GSE1: variants seen among roughly 807,000 people sequenced by gnomAD.
The protein encoded by GSE1 is Gse1 coiled-coil protein, also known as genetic suppressor element 1.
In GSE1, 32 loss-of-function variants were observed where a neutral mutation model predicts 112.6. That is an observed-to-expected ratio of 0.28 (90% confidence interval 0.21 to 0.38). The LOEUF (loss-of-function observed/expected upper bound fraction) is 0.38, where lower values mean the gene tolerates loss of function less well. Among genes scored for constraint, GSE1 ranks in the 10% least tolerant of loss-of-function variants. GSE1 has a pLI of 1.00. For missense variants in GSE1, 2,348 were observed against 1,699.2 expected (o/e 1.38, Z -6.71); for synonymous variants, 1,115 against 735.6 (o/e 1.52, Z -8.35).
chr16:85,202,194 G>A (rs2075040829), intron 1 of GSE1, among the ~76,000 whole-genome samples: 1 of 152,208 alleles, frequency 6.6e-6, no homozygotes, highest in Non-Finnish European at 1.5e-5. Flanking sequence ...GGGCAGTGAG[G>A]GCTGGGGCTG....
chr16:85,622,859 G>T (rs1215479627), intron 1 of GSE1, among the ~76,000 whole-genome samples: 2 of 152,186 alleles, frequency 1.3e-5, no homozygotes, highest in East Asian at 3.9e-4. Flanking sequence ...TGGAGTGTCT[G>T]TGCTGAGGGT....
At chr16:85,264,038 G>T (rs1193870633) in intron 1 of GSE1, among the ~76,000 whole-genome samples, 1 of 152,146 alleles carries the variant, frequency 6.6e-6, no homozygotes, top group African/African-American at 2.4e-5. Flanking sequence ...CCCAGTGAGG[G>T]CTCCACAGAC....
intron 2 of GSE1, among the ~76,000 whole-genome samples, chr16:85,397,392 C>T (rs576841782): frequency 1.4e-4 from 21 of 152,358 alleles, no homozygotes; most frequent in African/African-American, 4.8e-4. Context: ...CTCCTGCGGG[C>T]GGTGTGTCCC....
At position 85,246,510 on chromosome 16, in the gene GSE1, C is replaced by T. The variant is rs1025360759; in HGVS notation, c.2283+74703C>T. Among the ~76,000 whole-genome samples the T allele has an allele frequency of 1.4e-4, 15 of 105,870 alleles. 2 individuals carry two copies. The highest frequency in any genetic ancestry group is 6.2e-4 in the East Asian group (2 of 3,236). The allele number at this position is 105,870 out of a possible 152,430, so 69.5% of individuals were successfully genotyped here. A position where few individuals can be genotyped will look rare whatever the true frequency, so the allele number is the denominator to read the frequency against. On this transcript the variant is annotated intron_variant, in intron 1 of 2. Transcript: ENST00000637419. ...ACACACACTCTACACACCCCCCCCC[C>T]CCCGACGCTGTCTGCAGGAGATGTG... is the stretch of plus-strand genomic sequence containing the variant.
chr16:85,418,453 C>G (rs1197098329), intron 2 of GSE1, among the ~76,000 whole-genome samples: 1 of 152,196 alleles, frequency 6.6e-6, no homozygotes, highest in Admixed American at 6.5e-5. Context: ...CTCCTGGCTG[C>G]CCATCCAGAT....
intron 1 of GSE1, among the ~76,000 whole-genome samples, chr16:85,588,647 A>T (rs2046820888): frequency 6.6e-6 from 1 of 152,250 alleles, no homozygotes; most frequent in East Asian, 1.9e-4. Flanking sequence ...AAGAAGTATT[A>T]TCAGGAATAT....
At chr16:85,356,327 G>T (rs752733600) in intron 1 of GSE1, among the ~76,000 whole-genome samples, 13 of 152,248 alleles carry the variant, frequency 8.5e-5, no homozygotes, top group Non-Finnish European at 1.6e-4. Flanking sequence ...TGAGGCCCGG[G>T]GCTGCACCCT....
chr16:85,226,940 TAA>T (rs2075499046), intron 1 of GSE1, among the ~76,000 whole-genome samples: 1 of 152,022 alleles, frequency 6.6e-6, no homozygotes. Flanking sequence ...CTTGCAGGAA[TAA>T]GTCAGTCAGG....
intron 2 of GSE1, among the ~76,000 whole-genome samples, chr16:85,483,282 C>T (rs375272218): frequency 2.0e-5 from 3 of 152,254 alleles, no homozygotes; most frequent in African/African-American, 7.2e-5. Context: ...GCTGTCGTTC[C>T]CGCTGTTCCC....
At chr16:85,478,792 G>T (rs1164067578) in intron 2 of GSE1, among the ~76,000 whole-genome samples, 2 of 145,362 alleles carry the variant, frequency 1.4e-5, no homozygotes, top group Non-Finnish European at 3.0e-5. Flanking sequence ...CTCAGCCTCC[G>T]AAGTAGTTGG....
At chr16:85,261,343 G>A (rs1395843794) in intron 1 of GSE1, among the ~76,000 whole-genome samples, 1 of 152,252 alleles carries the variant, frequency 6.6e-6, no homozygotes, top group East Asian at 1.9e-4. Flanking sequence ...CGGTGCCTCA[G>A]TGTTCCATCT....
chr16:85,570,552 CT>C (rs1299501376), intron 1 of GSE1, among the ~76,000 whole-genome samples: 1 of 152,232 alleles, frequency 6.6e-6, no homozygotes, highest in Non-Finnish European at 1.5e-5. Context: ...ATTTTGATGC[CT>C]TTGACTCAGG....
At chr16:85,355,638 C>G (rs566379900) in intron 1 of GSE1, among the ~76,000 whole-genome samples, 7 of 152,302 alleles carry the variant, frequency 4.6e-5, no homozygotes, top group African/African-American at 1.7e-4. Flanking sequence ...GTAATGGTAG[C>G]ACAACACTGG....
At chr16:85,321,331 G>A (rs774371464) in intron 1 of GSE1, among the ~76,000 whole-genome samples, 2 of 152,192 alleles carry the variant, frequency 1.3e-5, no homozygotes, top group African/African-American at 2.4e-5. Flanking sequence ...AGAGGAGGGC[G>A]AAGAAGGGAT....
chr16:85,280,043 A>T (rs1051973261), intron 1 of GSE1, among the ~76,000 whole-genome samples: 1 of 152,164 alleles, frequency 6.6e-6, no homozygotes, highest in African/African-American at 2.4e-5. Context: ...CTTTCACCCA[A>T]AGGTTGCTGA....
chr16:85,663,137 T>C (rs777920124), intron 10 of GSE1, 44 bp downstream of exon 10: 51 of 1,404,106 alleles, frequency 3.6e-5, no homozygotes, highest in Non-Finnish European at 5.0e-5. Context: ...GGCTGGGCTC[T>C]CGTTCCTAGC....
At chr16:85,526,858 G>A (rs1283590378) in intron 2 of GSE1, among the ~76,000 whole-genome samples, 2 of 152,260 alleles carry the variant, frequency 1.3e-5, no homozygotes, top group South Asian at 4.1e-4. Context: ...GTTCCAGGGA[G>A]CTGCTAGTGT....
intron 2 of GSE1, among the ~76,000 whole-genome samples, chr16:85,483,217 T>C (rs2050735994): frequency 6.6e-6 from 1 of 152,238 alleles, no homozygotes; most frequent in African/African-American, 2.4e-5. Context: ...GCAAACATTC[T>C]GAAACCTGAA....
intron 1 of GSE1, among the ~76,000 whole-genome samples, chr16:85,219,995 T>G (rs982684551): frequency 2.0e-5 from 3 of 152,224 alleles, no homozygotes; most frequent in African/African-American, 7.2e-5. Flanking sequence ...TATTTTCAGC[T>G]GCTTCAGGTG....
Sources: allele counts gnomAD v4.1 joint callset (sites outside exome capture counted in the v4.1 genomes callset), GRCh38; gene constraint gnomAD v4.1.1; transcripts MANE v1.5; gene names NCBI Gene and HGNC (gene_info 2026-07-23, HGNC 2026-07-21).